ANXA10: variants seen among roughly 807,000 people sequenced by gnomAD.
The protein encoded by ANXA10 is annexin 14.
In ANXA10, 49 loss-of-function variants were observed where a neutral mutation model predicts 53.5. That is an observed-to-expected ratio of 0.92 (90% CI 0.73 to 1.16). ANXA10 has a LOEUF of 1.16. ANXA10 is among the 50% of genes most tolerant of loss of function. The pLI is 0.00. For missense variants in ANXA10, 393 were observed against 394.4 expected (o/e 1.00, Z 0.03); for synonymous variants, 131 against 128.9 (o/e 1.02, Z -0.11).
chr4:168,148,990 G>A (rs767468000), intron 3 of ANXA10, among the ~76,000 whole-genome samples: 43 of 151,626 alleles, frequency 2.8e-4, no homozygotes, highest in Non-Finnish European at 5.4e-4. Flanking sequence ...GGCCCTTATC[G>A]ACACTTCTGA....
At chr4:168,101,561 A>G (rs1450185706) in intron 1 of ANXA10, among the ~76,000 whole-genome samples, 1 of 151,762 alleles carries the variant, frequency 6.6e-6, no homozygotes, top group Non-Finnish European at 1.5e-5. Context: ...CATTAATCTA[A>G]TCTTGTATTT....
At chr4:168,160,789 A>T (rs1731769440) in intron 3 of ANXA10, among the ~76,000 whole-genome samples, 1 of 151,982 alleles carries the variant, frequency 6.6e-6, no homozygotes, top group African/African-American at 2.4e-5. Flanking sequence ...TGTGGTTTTG[A>T]TTTGTATTTC....
intron 2 of ANXA10, among the ~76,000 whole-genome samples, chr4:168,139,100 G>C (rs977278457): frequency 1.8e-4 from 27 of 151,906 alleles, no homozygotes; most frequent in African/African-American, 5.6e-4. Context: ...TTTTTCTCTT[G>C]CCTGATTGCT....
rs868702070 is a variant in ANXA10, at chr4:168,155,754, T to A, written c.196-6774T>A. Among the ~76,000 whole-genome samples, 34 of 30,610 alleles carry A rather than the reference T, an allele frequency of 1.1e-3. 1 individual carries two copies. The highest frequency in any genetic ancestry group is 5.1e-3 in the African/African-American group (31 of 6,096). 20.1% of individuals were successfully genotyped at this position (30,610 alleles called of 152,430 possible). A position where few individuals can be genotyped will look rare whatever the true frequency, so the allele number is the denominator to read the frequency against. On this transcript the variant is annotated intron_variant, in intron 3 of 11. Coordinates refer to ENST00000359299, the MANE Select transcript of ANXA10 (RefSeq NM_007193.5). ...ATATGATATATCATATATTATATATTATATAATATATGATATATCATATAT... is the reference window on the plus strand; with the variant it reads ...ATATGATATATCATATATTATATATAATATAATATATGATATATCATATAT...
chr4:168,183,632 G>A (rs1184322385), intron 10 of ANXA10, among the ~76,000 whole-genome samples: 1 of 152,172 alleles, frequency 6.6e-6, no homozygotes, highest in Non-Finnish European at 1.5e-5. Flanking sequence ...TTGTAGGTAC[G>A]GAGAAGGATT....
chr4:168,159,040 T>C (rs894510231), intron 3 of ANXA10, among the ~76,000 whole-genome samples: 4 of 152,210 alleles, frequency 2.6e-5, no homozygotes, highest in African/African-American at 9.6e-5. Flanking sequence ...GCCATGCTTC[T>C]TGTACAGCTT....
chr4:168,140,730 T>A (rs1367196764), intron 3 of ANXA10, among the ~76,000 whole-genome samples: 1 of 152,094 alleles, frequency 6.6e-6, no homozygotes, highest in African/African-American at 2.4e-5. Flanking sequence ...GTGATGCCCC[T>A]GCCTCAGCCT....
chr4:168,132,861 A>G (rs1731176400), intron 2 of ANXA10, among the ~76,000 whole-genome samples: 1 of 152,122 alleles, frequency 6.6e-6, no homozygotes, highest in South Asian at 2.1e-4. Context: ...TTGACCATAC[A>G]GTCGATTCTC....
chr4:168,185,736 A>G (rs77893975), intron 11 of ANXA10, among the ~76,000 whole-genome samples: 3,329 of 152,352 alleles, frequency 0.022, 203 homozygotes, highest in East Asian at 0.14. Context: ...ACATAAGAAT[A>G]GAACTGAACT....
At chr4:168,180,863 G>C (rs1275292202) in intron 9 of ANXA10, among the ~76,000 whole-genome samples, 1 of 152,104 alleles carries the variant, frequency 6.6e-6, no homozygotes, top group East Asian at 1.9e-4. Context: ...GGTAACTGTT[G>C]ACCAGGCTCT....
At chr4:168,114,993 CCT>C in intron 1 of ANXA10, among the ~76,000 whole-genome samples, 1 of 152,108 alleles carries the variant, frequency 6.6e-6, no homozygotes, top group South Asian at 2.1e-4. Context: ...GCTCAAAAAT[CCT>C]CCCATCTCAG....
At chr4:168,116,281 T>G (rs1423136511) in intron 1 of ANXA10, among the ~76,000 whole-genome samples, 3 of 152,166 alleles carry the variant, frequency 2.0e-5, no homozygotes, top group Non-Finnish European at 2.9e-5. Context: ...AAATCACTAT[T>G]AAACGGTCTA....
chr4:168,186,231 A>G (rs1280402358), intron 11 of ANXA10, among the ~76,000 whole-genome samples: 1 of 152,254 alleles, frequency 6.6e-6, no homozygotes, highest in African/African-American at 2.4e-5. Flanking sequence ...ACAAAGAAAC[A>G]TTTTATAATA....
intron 2 of ANXA10, among the ~76,000 whole-genome samples, chr4:168,134,887 G>A (rs1731212521): frequency 6.6e-6 from 1 of 152,094 alleles, no homozygotes; most frequent in Admixed American, 6.6e-5. Context: ...GTTCTCATTT[G>A]CTGGATATTT....
At chr4:168,098,369 G>A (rs1051877178) in intron 1 of ANXA10, among the ~76,000 whole-genome samples, 1 of 151,966 alleles carries the variant, frequency 6.6e-6, no homozygotes, top group Non-Finnish European at 1.5e-5. Flanking sequence ...AAAGAAAGGA[G>A]TCATTTAAAG....
chr4:168,162,339 G>A (rs141306688), intron 3 of ANXA10, among the ~76,000 whole-genome samples, 189 bp from the exon 4 acceptor site: 3 of 152,162 alleles, frequency 2.0e-5, no homozygotes, highest in Admixed American at 6.6e-5. Flanking sequence ...ATGCAGGGGT[G>A]AGATCAAATC....
At chr4:168,129,416 AG>A (rs1425004893) in intron 2 of ANXA10, among the ~76,000 whole-genome samples, 1 of 152,120 alleles carries the variant, frequency 6.6e-6, no homozygotes, top group Admixed American at 6.6e-5. Context: ...TTCACCAAAA[AG>A]TTTTTCTTTG....
intron 3 of ANXA10, among the ~76,000 whole-genome samples, chr4:168,157,985 A>G (rs1019152422): frequency 1.3e-5 from 2 of 152,164 alleles, no homozygotes; most frequent in African/African-American, 4.8e-5. Flanking sequence ...TTGTTTTTAA[A>G]TATATGTTTA....
At chr4:168,172,119 T>G (rs1329081502) in intron 6 of ANXA10, among the ~76,000 whole-genome samples, 1 of 152,226 alleles carries the variant, frequency 6.6e-6, no homozygotes, top group African/African-American at 2.4e-5. Flanking sequence ...ATTTATGCCA[T>G]TTTCTGGTAC....
Sources: gnomAD v4.1 joint callset for allele counts (sites outside exome capture counted in the v4.1 genomes callset) on GRCh38, gnomAD v4.1.1 for gene constraint, MANE v1.5 for transcripts, NCBI Gene and HGNC (gene_info 2026-07-23, HGNC 2026-07-21) for gene names.